HTRA3: variants seen among roughly 807,000 people sequenced by gnomAD.
The protein encoded by HTRA3 is serine protease HTRA3.
In HTRA3, 41 loss-of-function variants were observed where a neutral mutation model predicts 43.2. The ratio of observed to expected loss-of-function variants is 0.95; its 90% CI spans 0.74 to 1.23. The LOEUF (loss-of-function observed/expected upper bound fraction) is 1.23. HTRA3 is among the 50% of genes most tolerant of loss of function. HTRA3 has a pLI of 0.00. For missense variants in HTRA3, 628 were observed against 647.1 expected (o/e 0.97, Z 0.32); for synonymous variants, 295 against 287.9 (o/e 1.02, Z -0.25).
chr4:8,284,683 G>A (rs150922169), intron 2 of HTRA3, among the ~76,000 whole-genome samples: 146 of 152,360 alleles, frequency 9.6e-4, no homozygotes, highest in Non-Finnish European at 5.9e-4. Context: ...AGCTGGCTGC[G>A]GATGTGAGTG....
Position 8,270,351 on chromosome 4 carries a change from TG to T in HTRA3, c.385+1del. 1 of 1,408,334 alleles carries T rather than the reference TG, an allele frequency of 7.1e-7. No individual in the cohort carries two copies. Among genetic ancestry groups the T allele is most frequent in the Admixed American group, 3.3e-5 (1 of 30,204 alleles). The allele number at this position is 1,408,334 out of a possible 1,614,324, so 87.2% of individuals were successfully genotyped here. On this transcript the variant is annotated frameshift_variant and splice_region_variant, in exon 1 of 9. Coordinates refer to ENST00000307358, the MANE Select transcript of HTRA3 (RefSeq NM_053044.5). LOFTEE classifies it high-confidence loss of function. ...VRQLQKGACP[L>X]GLHQLSSPRY... is the part of the protein sequence containing the mutation. ...CAGCTGCAGAAGGGCGCCTGCCCGT[TG>T]GGTAAGCGCTCGGGGGCCAGGGAGG... is the stretch of plus-strand genomic sequence containing the variant.
At chr4:8,277,631 CACTT>C (rs1325706446) in intron 1 of HTRA3, among the ~76,000 whole-genome samples, 3 of 152,212 alleles carry the variant, frequency 2.0e-5, no homozygotes, top group African/African-American at 7.2e-5. Context: ...GGCACAGTGA[CACTT>C]AGGAGCCTGC....
Position 8,306,585 on chromosome 4 carries a change from A to C in HTRA3, c.*449A>C, listed in dbSNP as rs2153007714. 1 of 164,436 alleles carries C rather than the reference A, an allele frequency of 6.1e-6. No individual in the cohort carries two copies. Among genetic ancestry groups the C allele is most frequent in the Admixed American group, 5.5e-5 (1 of 18,156 alleles). 10.2% of individuals were successfully genotyped at this position (164,436 alleles called of 1,614,324 possible). A position where few individuals can be genotyped will look rare whatever the true frequency, so the allele number is the denominator to read the frequency against. On this transcript the variant is annotated 3_prime_UTR_variant, in exon 9 of 9. Coordinates refer to ENST00000307358, the MANE Select transcript of HTRA3 (RefSeq NM_053044.5). This position sits in a 1 kb window ranked among gnomAD's most constrained non-coding sequence, Gnocchi z 8.9. ...GGCCCCAGCTTCCCTCTGCCCTAGGACTTACCAAGCTGTAGGGCCAGGGCT... is the reference window on the plus strand; with the variant it reads ...GGCCCCAGCTTCCCTCTGCCCTAGGCCTTACCAAGCTGTAGGGCCAGGGCT...
At position 8,294,194 on chromosome 4, in the gene HTRA3, G is replaced by A; in HGVS notation, c.1044G>A (p.Gln348=). The A allele has an allele frequency of 6.2e-7, 1 of 1,610,316 alleles. No homozygotes were observed. The highest frequency in any genetic ancestry group is 1.3e-5 in the African/African-American group (1 of 74,854). ...TRFLTEFQDK[Q]IKDWKKRFIG... ...TCCTCACAGAGTTCCAAGACAAGCA[G>A]ATCAAAGGTAAAGAGCTCACCTGGA... The change falls in exon 6 of 9, where the codon CAG becomes CAA. Residue 348 remains glutamine, a synonymous_variant. Coordinates refer to ENST00000307358, the MANE Select transcript of HTRA3 (RefSeq NM_053044.5).
At chr4:8,294,625 C>CTT (rs1351501819) in intron 6 of HTRA3, among the ~76,000 whole-genome samples, 1 of 4,482 alleles carries the variant, frequency 2.2e-4, no homozygotes. Flanking sequence ...TCCATCCATC[C>CTT]ATCCATCCAT....
chr4:8,305,446 A>T (rs143182097), intron 8 of HTRA3, among the ~76,000 whole-genome samples: 1 of 152,356 alleles, frequency 6.6e-6, no homozygotes, highest in East Asian at 1.9e-4. Flanking sequence ...CTTCCAGGTC[A>T]CACAGCTGGC....
Position 8,305,512 on chromosome 4 carries a change from C to A in HTRA3, c.1197-459C>A, listed in dbSNP as rs539079572. On this transcript the variant is annotated intron_variant, in intron 8 of 8. Coordinates refer to ENST00000307358, the MANE Select transcript of HTRA3 (RefSeq NM_053044.5). ...AGCTGAGCACAGTACCATCACCTTC[C>A]TTCCCAGCAGTGGGGAGGTCTCAGT... is the stretch of plus-strand genomic sequence containing the variant. Among the ~76,000 whole-genome samples the A allele has an allele frequency of 2.0e-5, 3 of 152,364 alleles. No homozygotes were observed. The East Asian group carries it at 5.8e-4, about 29-fold the overall frequency.
At chr4:8,273,296 C>G (rs546318367) in intron 1 of HTRA3, among the ~76,000 whole-genome samples, 1 of 152,288 alleles carries the variant, frequency 6.6e-6, no homozygotes, top group African/African-American at 2.4e-5. Flanking sequence ...AGCAGCGTAG[C>G]CGGCTTCTGC....
At chr4:8,274,484 G>T (rs943296116) in intron 1 of HTRA3, among the ~76,000 whole-genome samples, 5 of 152,234 alleles carry the variant, frequency 3.3e-5, no homozygotes, top group Non-Finnish European at 7.3e-5. Flanking sequence ...GCCTGGGCCA[G>T]TGCGTGGCCT....
intron 8 of HTRA3, among the ~76,000 whole-genome samples, chr4:8,305,556 A>C (rs1713808348): frequency 1.3e-5 from 2 of 152,232 alleles, no homozygotes; most frequent in Non-Finnish European, 2.9e-5. Flanking sequence ...TGCAGAGAGA[A>C]GGCTGGCCCC....
chr4:8,303,026 A>G (rs924931550), intron 7 of HTRA3, among the ~76,000 whole-genome samples: 5 of 152,136 alleles, frequency 3.3e-5, no homozygotes, highest in African/African-American at 1.2e-4. Flanking sequence ...AACATCCATC[A>G]TTGGAGTTAG....
intron 2 of HTRA3, 29 bp downstream of exon 2, chr4:8,282,565 C>T (rs1344955402): frequency 1.3e-6 from 2 of 1,535,030 alleles, no homozygotes; most frequent in South Asian, 2.3e-5. Flanking sequence ...CCCCTCTCTG[C>T]CTCCTGGTGT....
chr4:8,272,611 C>G (rs1394651759), intron 1 of HTRA3, among the ~76,000 whole-genome samples: 1 of 152,232 alleles, frequency 6.6e-6, no homozygotes, highest in Non-Finnish European at 1.5e-5. Context: ...ATGTTGTTAT[C>G]ACTGTGGCGA....
At chr4:8,277,551 C>T (rs1215008391) in intron 1 of HTRA3, among the ~76,000 whole-genome samples, 2 of 152,194 alleles carry the variant, frequency 1.3e-5, no homozygotes, top group East Asian at 1.9e-4. Context: ...CCAGAGGAGG[C>T]GCTGCTGGCC....
In HTRA3 at chr4:8,295,554, G is replaced by T. The variant is rs1713424484; in HGVS notation, c.1051+1353G>T. 2.0e-6 allele frequency: 1 copy of T among 508,842 alleles called. No homozygotes were observed. The highest frequency in any genetic ancestry group is 3.1e-6 in the Non-Finnish European group (1 of 319,824). 31.5% of individuals were successfully genotyped at this position (508,842 alleles called of 1,614,324 possible). On this transcript the variant is annotated intron_variant, in intron 6 of 8. Transcript: ENST00000307358. This position sits in a 1 kb window ranked among gnomAD's most constrained non-coding sequence, Gnocchi z 6.9. ...TTCCAATCGCAGGGCCTTTCCTGGG[G>T]GCCTCTCCCTCCCCACCTTCTCTTC...
chr4:8,286,535 G>T lies in HTRA3; in HGVS notation c.486-26G>T. On this transcript the variant is annotated intron_variant, in intron 2 of 8. Coordinates refer to ENST00000307358, the MANE Select transcript of HTRA3 (RefSeq NM_053044.5). The surrounding 1 kb of genome is among the most constrained non-coding windows in gnomAD (Gnocchi z 4.9). ...CCCGCGTCCTAGCCCCACCCTAAAT[G>T]CCCGCCTGTGTCTCCCTGGCTGCAG... 1 of 1,606,178 alleles carries T rather than the reference G, an allele frequency of 6.2e-7. No individual in the cohort carries two copies. The highest frequency in any genetic ancestry group is 8.5e-7 in the Non-Finnish European group (1 of 1,174,728).
chr4:8,291,482 T>A lies in HTRA3; in HGVS notation c.821T>A (p.Val274Asp). ...CAGAACACAGTGACAACGGGCATCGTCAGCACTGCCCAGCGGGAGGGCAGG... is the reference window on the plus strand; with the variant it reads ...CAGAACACAGTGACAACGGGCATCGACAGCACTGCCCAGCGGGAGGGCAGG... ...ALQNTVTTGI[V>D]STAQREGREL... The change falls in exon 4 of 9, where the codon GTC becomes GAC. Residue 274 changes from valine (V) to aspartate (D), a missense_variant. Transcript: ENST00000307358. 1 of 1,613,018 alleles carries A rather than the reference T, an allele frequency of 6.2e-7. No homozygotes were observed. The highest frequency in any genetic ancestry group is 8.5e-7 in the Non-Finnish European group (1 of 1,179,956).
chr4:8,277,723 A>G (rs1712584595), intron 1 of HTRA3, among the ~76,000 whole-genome samples: 1 of 152,168 alleles, frequency 6.6e-6, no homozygotes, highest in South Asian at 2.1e-4. Flanking sequence ...GGACCAGGAC[A>G]CCCCAGGCCT....
rs1039135246 is a variant in HTRA3 at position 8,270,364 on chromosome 4, G to A, written c.385+11G>A. The A allele has an allele frequency of 3.6e-6, 5 of 1,392,932 alleles. No homozygotes were observed. Among genetic ancestry groups the A allele is most frequent in the South Asian group, 3.1e-5 (2 of 65,376 alleles). The allele number at this position is 1,392,932 out of a possible 1,614,324, so 86.3% of individuals were successfully genotyped here. ...GCGCCTGCCCGTTGGGTAAGCGCTC[G>A]GGGGCCAGGGAGGAAGTGAAGCTTC... On this transcript the variant is annotated intron_variant, in intron 1 of 8. Transcript: ENST00000307358.
Sources: gnomAD v4.1 joint callset for allele counts (sites outside exome capture counted in the v4.1 genomes callset) on GRCh38, gnomAD v4.1.1 for gene constraint, Gnocchi (gnomAD v3.1) non-coding constraint, MANE v1.5 for transcripts, NCBI Gene and HGNC (gene_info 2026-07-23, HGNC 2026-07-21) for gene names.